Variants in LRP1B observed in about 807,000 individuals in gnomAD.
LRP1B encodes LDL receptor related protein 1B.
A neutral mutation model predicts 556.6 loss-of-function variants in LRP1B; 217 were observed. The observed-to-expected ratio is 0.39, with a 90% confidence interval of 0.35 to 0.44. The LOEUF (loss-of-function observed/expected upper bound fraction) is 0.44, where lower values mean the gene tolerates loss of function less well. LRP1B is among the 20% of genes least tolerant of loss of function. The pLI is 1.00. For missense variants in LRP1B, 5,053 were observed against 5,620.8 expected, an observed-to-expected ratio of 0.90 and a Z score of 3.23; for synonymous variants, 2,047 against 1,865.8, an observed-to-expected ratio of 1.10 and a Z score of -2.50.
At chr2:141,025,740 T>C (rs1317574410) in intron 11 of LRP1B, among the ~76,000 whole-genome samples, 1 of 152,066 alleles carries the variant, frequency 6.6e-6, no homozygotes, top group South Asian at 2.1e-4. Context: ...TTTCTCTGTC[T>C]CTCTATATAT....
chr2:141,883,611 C>T (rs568120695), intron 1 of LRP1B, among the ~76,000 whole-genome samples: 14 of 152,194 alleles, frequency 9.2e-5, no homozygotes, highest in African/African-American at 2.4e-4. Flanking sequence ...GTAGCCTCAG[C>T]TACAGTGAAG....
chr2:140,416,985 G>A (rs1573913177), intron 66 of LRP1B, among the ~76,000 whole-genome samples: 1 of 152,134 alleles, frequency 6.6e-6, no homozygotes, highest in Non-Finnish European at 1.5e-5. Context: ...CTCTAGGACT[G>A]TCAACAAAAA....
chr2:140,404,374 A>G (rs1022175225), intron 66 of LRP1B, among the ~76,000 whole-genome samples: 3 of 151,752 alleles, frequency 2.0e-5, no homozygotes, highest in Non-Finnish European at 1.5e-5. Context: ...GGGTTTCACC[A>G]TGTTAGCCAG....
At chr2:141,906,737 T>A (rs1699770576) in intron 1 of LRP1B, among the ~76,000 whole-genome samples, 2 of 152,092 alleles carry the variant, frequency 1.3e-5, no homozygotes, top group Admixed American at 1.3e-4. Flanking sequence ...TGTTTTGGTG[T>A]GTGCATGCAT....
At chr2:140,343,004 A>T (rs1558815952) in intron 77 of LRP1B, among the ~76,000 whole-genome samples, 1 of 151,112 alleles carries the variant, frequency 6.6e-6, no homozygotes, top group African/African-American at 2.4e-5. Context: ...ATTTGAAGGA[A>T]TTTTTTTTGT....
chr2:141,388,766 G>T (rs1233310918), intron 3 of LRP1B, among the ~76,000 whole-genome samples: 2 of 151,952 alleles, frequency 1.3e-5, no homozygotes, highest in Non-Finnish European at 2.9e-5. Flanking sequence ...AAATCTCAAA[G>T]AATTCACAAA....
chr2:140,494,473 C>T lies in LRP1B; in HGVS notation c.9034+1092G>A, dbSNP rs374024812. On this transcript the variant is annotated intron_variant, in intron 56 of 90. Coordinates refer to ENST00000389484, the MANE Select transcript of LRP1B (RefSeq NM_018557.3). Reference sequence around the variant, plus strand: ...AAACAAAATTAGCCGGGTGTGGTGGCGGGCACCTGTAGTCTCAGCTACTTG... The same window carrying T: ...AAACAAAATTAGCCGGGTGTGGTGGTGGGCACCTGTAGTCTCAGCTACTTG... Among the ~76,000 whole-genome samples the T allele has an allele frequency of 7.9e-5, 12 of 151,924 alleles. No individual in the cohort carries two copies. In the South Asian group the frequency reaches 1.2e-3, roughly 16 times the overall value.
chr2:140,763,854 C>A (rs928393070), intron 35 of LRP1B, among the ~76,000 whole-genome samples: 1 of 152,046 alleles, frequency 6.6e-6, no homozygotes, highest in African/African-American at 2.4e-5. Context: ...CAAATCTATA[C>A]ACACTGTTCA....
chr2:141,155,618 T>C (rs896331023), intron 7 of LRP1B, among the ~76,000 whole-genome samples: 1 of 152,038 alleles, frequency 6.6e-6, no homozygotes, highest in Non-Finnish European at 1.5e-5. Flanking sequence ...TGATTTTTTA[T>C]ACATCAATAA....
chr2:141,734,093 C>T (rs1693378585), intron 2 of LRP1B, among the ~76,000 whole-genome samples: 1 of 151,938 alleles, frequency 6.6e-6, no homozygotes. Context: ...GCAATTAGAT[C>T]TTGAAATTAA....
rs754004365 is a variant in LRP1B, at chr2:140,579,027, C to T, written c.7194+19604G>A. Among the ~76,000 whole-genome samples, 43 of 151,298 alleles carry T rather than the reference C, an allele frequency of 2.8e-4. 1 individual carries two copies. The highest frequency in any genetic ancestry group is 6.8e-3 in the Middle Eastern group (2 of 294). On this transcript the variant is annotated intron_variant, in intron 43 of 90. Transcript: ENST00000389484. ...CTCTCAGCAAGGGAGACAAGGGGAA[C>T]GAGGAGACGGAACAGGGGAACAAGG...
chr2:141,651,546 T>C (rs1689793175), intron 2 of LRP1B, among the ~76,000 whole-genome samples: 1 of 152,050 alleles, frequency 6.6e-6, no homozygotes, highest in Non-Finnish European at 1.5e-5. Flanking sequence ...ATGCCTGTAA[T>C]ACCAACTACT....
At chr2:141,049,582 T>G (rs1320697428) in intron 10 of LRP1B, among the ~76,000 whole-genome samples, 3 of 152,078 alleles carry the variant, frequency 2.0e-5, no homozygotes, top group Non-Finnish European at 4.4e-5. Context: ...TAACATTTTC[T>G]GTCGATACTA....
chr2:142,067,616 T>C (rs901866757), intron 1 of LRP1B, among the ~76,000 whole-genome samples: 2 of 151,602 alleles, frequency 1.3e-5, no homozygotes, highest in African/African-American at 2.4e-5. Flanking sequence ...TTTTTTCTTA[T>C]TGAGATTTGA....
chr2:141,438,893 T>C (rs1328635704), intron 3 of LRP1B, among the ~76,000 whole-genome samples: 1 of 152,210 alleles, frequency 6.6e-6, no homozygotes, highest in Non-Finnish European at 1.5e-5. Context: ...ATATGTTTAC[T>C]ATCTTTGAGA....
chr2:141,132,248 G>A (rs1202199274), intron 7 of LRP1B, among the ~76,000 whole-genome samples: 2 of 151,930 alleles, frequency 1.3e-5, no homozygotes, highest in African/African-American at 4.8e-5. Flanking sequence ...TTTGGATTAT[G>A]GGGGCGGAAC....
At position 141,467,415 on chromosome 2, in the gene LRP1B, T is replaced by C. The variant is rs74870214; in HGVS notation, c.343+12981A>G. ...AACTAAGAGGGCTTAGAAAATATTA[T>C]GATACAAAATGCAAGTATTTGCACA... On this transcript the variant is annotated intron_variant, in intron 3 of 90. Coordinates refer to ENST00000389484, the MANE Select transcript of LRP1B (RefSeq NM_018557.3). Among the ~76,000 whole-genome samples, 584 of 152,222 alleles carry C rather than the reference T, an allele frequency of 3.8e-3. 7 individuals carry two copies. Among genetic ancestry groups the C allele is most frequent in the African/African-American group, 0.013 (556 of 41,560 alleles).
At chr2:141,206,586 C>CAA (rs11385393) in intron 6 of LRP1B, among the ~76,000 whole-genome samples, 86 of 147,740 alleles carry the variant, frequency 5.8e-4, no homozygotes, top group Middle Eastern at 3.5e-3. Flanking sequence ...GACTCCGTCT[C>CAA]AAAAAAAAAA....
chr2:140,577,673 C>T (rs1438743528), intron 43 of LRP1B, among the ~76,000 whole-genome samples: 2 of 152,032 alleles, frequency 1.3e-5, no homozygotes, highest in African/African-American at 4.8e-5. Context: ...TTCCCCACCC[C>T]CCAGCCTCCC....
Sources: allele counts gnomAD v4.1 joint callset (sites outside exome capture counted in the v4.1 genomes callset), GRCh38; gene constraint gnomAD v4.1.1; transcripts MANE v1.5; gene names NCBI Gene and HGNC (gene_info 2026-07-23, HGNC 2026-07-21).